SHISA9: variants seen among roughly 807,000 people sequenced by gnomAD.
SHISA9 encodes shisa family member 9.
SHISA9 carries 13 observed loss-of-function variants against 38.0 expected under a neutral mutation model. The ratio of observed to expected loss-of-function variants is 0.34; its 90% CI spans 0.22 to 0.54. The LOEUF (loss-of-function observed/expected upper bound fraction) is 0.54, where lower values mean the gene tolerates loss of function less well. SHISA9 is among the 20% of genes least tolerant of loss of function. The pLI is 0.91. For synonymous variants in SHISA9, 275 were observed against 242.0 expected, an observed-to-expected ratio of 1.14 and a Z score of -1.27; for missense variants, 538 against 575.8, an observed-to-expected ratio of 0.93 and a Z score of 0.67.
chr16:13,545,224 T>C, the SHISA9 span, among the ~76,000 whole-genome samples: 2 of 152,172 alleles, frequency 1.3e-5, no homozygotes, highest in African/African-American at 4.8e-5. Flanking sequence ...ACTGGTGAAG[T>C]GGTACAGCTA....
At chr16:13,232,349 AAAAG>A (rs1307367162) in intron 4 of SHISA9, among the ~76,000 whole-genome samples, 1 of 151,766 alleles carries the variant, frequency 6.6e-6, no homozygotes, top group East Asian at 1.9e-4. Flanking sequence ...AACAAATAAG[AAAAG>A]AAAGTGTCAG....
At chr16:13,531,517 C>G in the SHISA9 span, among the ~76,000 whole-genome samples, 31 of 151,970 alleles carry the variant, frequency 2.0e-4, no homozygotes, top group Non-Finnish European at 3.7e-4. Context: ...TGTTTAAACC[C>G]AGGCAGCCAA....
At chr16:12,921,039 C>T (rs1267057135) in intron 2 of SHISA9, among the ~76,000 whole-genome samples, 1 of 152,220 alleles carries the variant, frequency 6.6e-6, no homozygotes, top group African/African-American at 2.4e-5. Flanking sequence ...TAAAATTACT[C>T]TCTTTGGGTC....
rs760851371 is a variant in SHISA9 at position 13,108,980 on chromosome 16, G to A, written c.692-94414G>A. Among the ~76,000 whole-genome samples the A allele has an allele frequency of 2.6e-5, 4 of 152,166 alleles. 1 individual carries two copies. The highest frequency in any genetic ancestry group is 1.3e-4 in the Admixed American group (2 of 15,272). ...ATTGTTTTCTCCAGGGGTGTGACAG[G>A]TATATGATGATTCAGGGTGGCTGCT... On this transcript the variant is annotated intron_variant, in intron 2 of 4. Transcript: ENST00000558583.
chr16:12,921,172 A>C (rs568272861), intron 2 of SHISA9, among the ~76,000 whole-genome samples: 36 of 152,334 alleles, frequency 2.4e-4, no homozygotes, highest in African/African-American at 8.7e-4. Flanking sequence ...CGATAACATA[A>C]ATCATGATGT....
rs573831877 is a variant in SHISA9 at position 13,217,190 on chromosome 16, A to G, written c.895+3890A>G. On this transcript the variant is annotated intron_variant, in intron 4 of 4. Coordinates refer to ENST00000558583, the MANE Select transcript of SHISA9 (RefSeq NM_001145204.3). ...CTACTCGGGAGGCTGAGGCAGGAGA[A>G]TGGCGCGAACCCGGGAGGTGGAGCT... Among the ~76,000 whole-genome samples the G allele has an allele frequency of 1.7e-3, 252 of 152,142 alleles. 3 individuals carry two copies. Among genetic ancestry groups the G allele is most frequent in the Middle Eastern group, 0.014 (4 of 292 alleles).
At chr16:13,421,758 TCC>T in the SHISA9 span, among the ~76,000 whole-genome samples, 12 of 152,344 alleles carry the variant, frequency 7.9e-5, no homozygotes, top group East Asian at 1.4e-3. Flanking sequence ...CAAATATTAG[TCC>T]TCTTCCCCTT....
At chr16:12,934,811 G>A (rs2141748206) in intron 2 of SHISA9, among the ~76,000 whole-genome samples, 1 of 152,228 alleles carries the variant, frequency 6.6e-6, no homozygotes, top group Middle Eastern at 3.4e-3. Context: ...AGGGTAAATA[G>A]TTTGTGTCAG....
chr16:13,549,688 G>C, the SHISA9 span, among the ~76,000 whole-genome samples: 29 of 152,090 alleles, frequency 1.9e-4, no homozygotes, highest in Admixed American at 4.6e-4. Flanking sequence ...AATGACTGTA[G>C]AAGTGGGGAG....
At chr16:13,289,201 G>A in the SHISA9 span, among the ~76,000 whole-genome samples, 2 of 152,100 alleles carry the variant, frequency 1.3e-5, no homozygotes, top group Admixed American at 6.5e-5. Flanking sequence ...CTTTCTTCTG[G>A]CATTGTGTTG....
At chr16:13,420,882 C>A in the SHISA9 span, among the ~76,000 whole-genome samples, 1 of 152,176 alleles carries the variant, frequency 6.6e-6, no homozygotes. Context: ...AATCCTCTCA[C>A]GTAGACATTG....
chr16:12,906,443 A>G (rs552227717), intron 1 of SHISA9, among the ~76,000 whole-genome samples: 1 of 152,180 alleles, frequency 6.6e-6, no homozygotes, highest in East Asian at 1.9e-4. Context: ...GGAGAAAGAC[A>G]GCAATTCCAG....
In SHISA9 at chr16:13,238,716, T is replaced by C. The variant is rs562745792; in HGVS notation, c.*3307T>C. 2.0e-5 allele frequency: 3 copies of C among 152,042 alleles called. No homozygotes were observed. The East Asian group carries it at 5.8e-4, about 29-fold the overall frequency. The allele number at this position is 152,042 out of a possible 1,614,324, so 9.4% of individuals were successfully genotyped here. A position where few individuals can be genotyped will look rare whatever the true frequency, so the allele number is the denominator to read the frequency against. On this transcript the variant is annotated 3_prime_UTR_variant, in exon 5 of 5. Coordinates refer to ENST00000558583, the MANE Select transcript of SHISA9 (RefSeq NM_001145204.3). Reference sequence around the variant, plus strand: ...GGAAAGCTCAGGAAGTGCTTCATAGTTTATTATCTTCCAGTTGGTTTTGGG... The same window carrying C: ...GGAAAGCTCAGGAAGTGCTTCATAGCTTATTATCTTCCAGTTGGTTTTGGG...
At chr16:13,002,464 A>G (rs1212369820) in intron 2 of SHISA9, among the ~76,000 whole-genome samples, 1 of 152,158 alleles carries the variant, frequency 6.6e-6, no homozygotes, top group Non-Finnish European at 1.5e-5. Flanking sequence ...TTTAATTAAT[A>G]AAACTTGATA....
At chr16:13,303,542 T>C in the SHISA9 span, among the ~76,000 whole-genome samples, 1 of 152,130 alleles carries the variant, frequency 6.6e-6, no homozygotes, top group Non-Finnish European at 1.5e-5. Context: ...CTAGAATAGG[T>C]AAACCTATAG....
chr16:13,148,689 G>GCGCGCACACACACA (rs6145754), intron 2 of SHISA9, among the ~76,000 whole-genome samples: 1 of 132,442 alleles, frequency 7.6e-6, no homozygotes, highest in African/African-American at 3.2e-5. Context: ...ACATACACAA[G>GCGCGCACACACACA]CACACACACA....
At chr16:13,387,372 C>G in the SHISA9 span, among the ~76,000 whole-genome samples, 1 of 152,056 alleles carries the variant, frequency 6.6e-6, no homozygotes, top group Non-Finnish European at 1.5e-5. Flanking sequence ...CAGAGACAGA[C>G]AGGGAGAACA....
the SHISA9 span, among the ~76,000 whole-genome samples, chr16:13,451,032 A>G: frequency 1.1e-3 from 166 of 152,220 alleles, 1 homozygote; most frequent in African/African-American, 3.9e-3. Flanking sequence ...TTCTCCGGCC[A>G]CCAGAGCCTG....
At chr16:13,070,134 G>A (rs1255439330) in intron 2 of SHISA9, among the ~76,000 whole-genome samples, 1 of 151,678 alleles carries the variant, frequency 6.6e-6, no homozygotes, top group Non-Finnish European at 1.5e-5. Flanking sequence ...GTGTGTGTGT[G>A]TGTGTGTGTG....
Sources: gnomAD v4.1 joint callset for allele counts (sites outside exome capture counted in the v4.1 genomes callset) on GRCh38, gnomAD v4.1.1 for gene constraint, MANE v1.5 for transcripts, NCBI Gene and HGNC (gene_info 2026-07-23, HGNC 2026-07-21) for gene names.